The following ADAMTS3 variants were observed in gnomAD, a reference collection of about 807,000 sequenced individuals.
The protein encoded by ADAMTS3 is ADAM metallopeptidase with thrombospondin type 1 motif 3, also known as A disintegrin and metalloproteinase with thrombospondin motifs 3.
A neutral mutation model predicts 129.0 loss-of-function variants in ADAMTS3; 73 were observed. The observed-to-expected ratio is 0.57, with a 90% CI of 0.47 to 0.69. The LOEUF is 0.69. Among genes scored for constraint, ADAMTS3 ranks in the 30% least tolerant of loss-of-function variants. The probability of loss-of-function intolerance (pLI) is 0.00; values close to 1 mark genes in which losing one functional copy is unlikely to be tolerated. For missense variants in ADAMTS3, 1,457 were observed against 1,514.5 expected (o/e 0.96, Z 0.63); for synonymous variants, 477 against 510.8 (o/e 0.93, Z 0.89).
At chr4:72,544,127 A>C (rs1721406876) in intron 3 of ADAMTS3, among the ~76,000 whole-genome samples, 1 of 152,134 alleles carries the variant, frequency 6.6e-6, no homozygotes, top group Non-Finnish European at 1.5e-5. Context: ...CCATAAAACT[A>C]ATAATAATCT....
Position 72,462,613 on chromosome 4 carries a change from G to A in ADAMTS3, c.505-47642C>T, listed in dbSNP as rs574941061. On this transcript the variant is annotated intron_variant, in intron 3 of 21. Coordinates refer to ENST00000286657, the MANE Select transcript of ADAMTS3 (RefSeq NM_014243.3). ...GACGTCTTAATGATCCTGATCCCAT[G>A]TAGGCCGAGGCTAGTGACGTCTTAA... 5.9e-5 allele frequency among the ~76,000 whole-genome samples: 9 copies of A among 152,020 alleles called. No homozygotes were observed. In the South Asian group the frequency reaches 1.7e-3, roughly 28 times the overall value.
chr4:72,330,602 C>A (rs1719819997), intron 5 of ADAMTS3: 1 of 152,206 alleles, frequency 6.6e-6, no homozygotes, highest in African/African-American at 2.4e-5. Flanking sequence ...GCTTAGTAAA[C>A]CAACCAGCTC....
At chr4:72,482,807 C>T (rs2110007637) in intron 3 of ADAMTS3, among the ~76,000 whole-genome samples, 1 of 152,190 alleles carries the variant, frequency 6.6e-6, no homozygotes, top group Non-Finnish European at 1.5e-5. Context: ...TCAGATAATA[C>T]AGATTCCACT....
chr4:72,303,794 T>A, intron 17 of ADAMTS3, 123 bp downstream of exon 17: 5 of 992,452 alleles, frequency 5.0e-6, no homozygotes, highest in East Asian at 2.6e-5. Flanking sequence ...GGAATTATTT[T>A]AAAAAGCAAC....
intron 4 of ADAMTS3, among the ~76,000 whole-genome samples, chr4:72,409,619 T>G (rs769117910): frequency 1.3e-5 from 2 of 152,170 alleles, no homozygotes; most frequent in Non-Finnish European, 2.9e-5. Context: ...ATCTATCTCC[T>G]AAATAAGCTC....
intron 20 of ADAMTS3, among the ~76,000 whole-genome samples, 194 bp from the exon 21 acceptor site, chr4:72,289,062 AT>A (rs1361836229): frequency 3.3e-4 from 50 of 151,664 alleles, no homozygotes; most frequent in African/African-American, 1.2e-3. Flanking sequence ...TGACTCCATT[AT>A]TTACCAGCCT....
Position 72,350,260 on chromosome 4 carries a change from A to G in ADAMTS3, c.662-10567T>C, listed in dbSNP as rs548841955. Reference sequence around the variant, plus strand: ...TTTTACTACATAACTGTGTGCCTGTAATATATTCTCTGAAATAGTATCGAC... The same window carrying G: ...TTTTACTACATAACTGTGTGCCTGTGATATATTCTCTGAAATAGTATCGAC... On this transcript the variant is annotated intron_variant, in intron 4 of 21. Transcript: ENST00000286657. 3.3e-5 allele frequency among the ~76,000 whole-genome samples: 5 copies of G among 152,216 alleles called. No individual in the cohort carries two copies. In the South Asian group the frequency reaches 1.0e-3, roughly 32 times the overall value.
intron 3 of ADAMTS3, among the ~76,000 whole-genome samples, chr4:72,478,251 T>G (rs529317586): frequency 3.4e-4 from 51 of 152,124 alleles, no homozygotes; most frequent in East Asian, 1.2e-3. Flanking sequence ...AAAGAGAATT[T>G]TAGACCAATA....
At chr4:72,341,595 C>G (rs1227441456) in intron 4 of ADAMTS3, among the ~76,000 whole-genome samples, 1 of 152,126 alleles carries the variant, frequency 6.6e-6, no homozygotes, top group East Asian at 1.9e-4. Context: ...CTAAAAATGG[C>G]TCCTGTTGGC....
intron 2 of ADAMTS3, among the ~76,000 whole-genome samples, chr4:72,555,567 C>T (rs913843863): frequency 2.0e-5 from 3 of 151,812 alleles, no homozygotes; most frequent in African/African-American, 7.3e-5. Flanking sequence ...AATGTCTGTA[C>T]AAAAGTTTTT....
intron 3 of ADAMTS3, among the ~76,000 whole-genome samples, chr4:72,495,833 A>G (rs1052302482): frequency 2.6e-5 from 4 of 152,204 alleles, no homozygotes; most frequent in African/African-American, 9.6e-5. Context: ...AAAAGATAGA[A>G]CCATAATACA....
At chr4:72,505,034 C>G (rs544473242) in intron 3 of ADAMTS3, among the ~76,000 whole-genome samples, 6 of 152,094 alleles carry the variant, frequency 3.9e-5, no homozygotes, top group Admixed American at 1.3e-4. Context: ...TTGCAATCCA[C>G]GTTTTACATT....
intron 3 of ADAMTS3, among the ~76,000 whole-genome samples, chr4:72,452,026 C>T (rs1718421051): frequency 1.3e-5 from 2 of 151,672 alleles, no homozygotes. Context: ...GAGGTCAAGG[C>T]TACAATGAGC....
chr4:72,521,968 C>T (rs1720686692), intron 3 of ADAMTS3, among the ~76,000 whole-genome samples: 1 of 152,232 alleles, frequency 6.6e-6, no homozygotes, highest in East Asian at 1.9e-4. Context: ...TCTAAAACAT[C>T]CCATTGAAAA....
chr4:72,478,220 C>G (rs984102107), intron 3 of ADAMTS3, among the ~76,000 whole-genome samples: 2 of 152,160 alleles, frequency 1.3e-5, no homozygotes, highest in Admixed American at 6.5e-5. Flanking sequence ...GATACCAAAG[C>G]TGGGCAGAGA....
chr4:72,413,643 ATAT>A (rs769112255), intron 4 of ADAMTS3, among the ~76,000 whole-genome samples: 7 of 151,956 alleles, frequency 4.6e-5, no homozygotes, highest in African/African-American at 9.7e-5. Flanking sequence ...TATACATCTA[ATAT>A]TATTACAACT....
chr4:72,393,709 A>T (rs1388269874), intron 4 of ADAMTS3, among the ~76,000 whole-genome samples: 1 of 152,222 alleles, frequency 6.6e-6, no homozygotes, highest in South Asian at 2.1e-4. Context: ...AGATGTAGAG[A>T]TCACTTATAT....
At chr4:72,392,292 AG>A (rs1721615317) in intron 4 of ADAMTS3, among the ~76,000 whole-genome samples, 1 of 152,176 alleles carries the variant, frequency 6.6e-6, no homozygotes, top group South Asian at 2.1e-4. Context: ...AACAAGAGGA[AG>A]GGCAAGCATA....
At position 72,311,057 on chromosome 4, in the gene ADAMTS3, T is replaced by C. The variant is rs745768560; in HGVS notation, c.2046A>G (p.Gly682=). 1.2e-6 allele frequency: 2 copies of C among 1,606,958 alleles called. No individual in the cohort carries two copies. Among genetic ancestry groups the C allele is most frequent in the South Asian group, 2.2e-5 (2 of 89,904 alleles). The change falls in exon 14 of 22, where the codon GGA becomes GGG. Residue 682 remains glycine (G), a synonymous_variant. Coordinates refer to ENST00000286657, the MANE Select transcript of ADAMTS3 (RefSeq NM_014243.3). ...AGCAATTTGAACTTACCACACACTC[T>C]CCTCGCACACATATGCTATATGGAT... ...YKDPYSICVR[G]ECVKVGCDKE...
Sources: gnomAD v4.1 joint callset for allele counts (sites outside exome capture counted in the v4.1 genomes callset) on GRCh38, gnomAD v4.1.1 for gene constraint, MANE v1.5 for transcripts, NCBI Gene and HGNC (gene_info 2026-07-23, HGNC 2026-07-21) for gene names.